The following SLC25A21 variants were observed in gnomAD, a reference collection of about 807,000 sequenced individuals.
The protein encoded by SLC25A21 is mitochondrial 2-oxodicarboxylate carrier.
In SLC25A21, 47 loss-of-function variants were observed where a neutral mutation model predicts 43.8. The observed-to-expected ratio is 1.07, with a 90% CI of 0.85 to 1.37. SLC25A21 has a LOEUF of 1.37. Ranked by LOEUF, SLC25A21 falls within the 40% of genes most tolerant of loss-of-function variation. SLC25A21 has a pLI of 0.00. For synonymous variants in SLC25A21, 131 were observed against 121.3 expected, an observed-to-expected ratio of 1.08 and a Z score of -0.52; for missense variants, 352 against 350.2, an observed-to-expected ratio of 1.00 and a Z score of -0.04.
chr14:36,803,746 A>G (rs952559460), intron 3 of SLC25A21, among the ~76,000 whole-genome samples: 3 of 152,190 alleles, frequency 2.0e-5, no homozygotes, highest in Non-Finnish European at 4.4e-5. Context: ...TTAGGTGACT[A>G]TATCTTTACA....
intron 1 of SLC25A21, among the ~76,000 whole-genome samples, chr14:37,032,747 G>A (rs1466489525): frequency 6.7e-6 from 1 of 150,112 alleles, no homozygotes; most frequent in Non-Finnish European, 1.5e-5. Flanking sequence ...AATTATAATT[G>A]TCATAAAATT....
At chr14:37,086,021 C>T (rs988624007) in intron 1 of SLC25A21, among the ~76,000 whole-genome samples, 5 of 152,152 alleles carry the variant, frequency 3.3e-5, no homozygotes, top group East Asian at 1.9e-4. Context: ...AGGAGAATGG[C>T]GCGAACCCAG....
At chr14:37,082,335 G>T (rs1320798826) in intron 1 of SLC25A21, among the ~76,000 whole-genome samples, 1 of 152,132 alleles carries the variant, frequency 6.6e-6, no homozygotes, top group African/African-American at 2.4e-5. Context: ...TCAGTATCAT[G>T]CAATATTCCC....
chr14:36,958,078 T>A (rs1478805600), intron 1 of SLC25A21, among the ~76,000 whole-genome samples: 1 of 151,164 alleles, frequency 6.6e-6, no homozygotes. Flanking sequence ...ATTTTTTTTT[T>A]AGCTCAACCA....
intron 1 of SLC25A21, among the ~76,000 whole-genome samples, chr14:37,051,599 A>G (rs1961707773): frequency 6.6e-6 from 1 of 152,166 alleles, no homozygotes; most frequent in Non-Finnish European, 1.5e-5. Flanking sequence ...GACTATTTAC[A>G]AATATGGTGC....
chr14:36,766,020 G>A (rs1886399778), intron 3 of SLC25A21, among the ~76,000 whole-genome samples: 1 of 137,132 alleles, frequency 7.3e-6, no homozygotes, highest in Admixed American at 7.9e-5. Flanking sequence ...GAGTTGCCAA[G>A]TCATTCCCTT....
At chr14:36,824,324 G>A (rs1888742496) in intron 2 of SLC25A21, among the ~76,000 whole-genome samples, 1 of 152,014 alleles carries the variant, frequency 6.6e-6, no homozygotes. Context: ...TCATAGTTGA[G>A]GAAAATTTCA....
At chr14:37,053,525 T>C (rs2138801378) in intron 1 of SLC25A21, among the ~76,000 whole-genome samples, 1 of 152,340 alleles carries the variant, frequency 6.6e-6, no homozygotes, top group East Asian at 1.9e-4. Context: ...AACAATTTTT[T>C]AATGGAGAAA....
chr14:36,777,962 T>C (rs1886897771), intron 3 of SLC25A21, among the ~76,000 whole-genome samples: 1 of 152,176 alleles, frequency 6.6e-6, no homozygotes, highest in Non-Finnish European at 1.5e-5. Context: ...TCAAAGTCAT[T>C]ATCTTTCAAC....
At chr14:36,897,358 T>G (rs915477190) in intron 1 of SLC25A21, among the ~76,000 whole-genome samples, 2 of 151,452 alleles carry the variant, frequency 1.3e-5, no homozygotes, top group African/African-American at 2.4e-5. Context: ...GCATTCGTCA[T>G]GTTCTTGTGC....
intron 1 of SLC25A21, among the ~76,000 whole-genome samples, chr14:36,896,486 CTT>C (rs1324781851): frequency 1.3e-5 from 2 of 152,154 alleles, no homozygotes; most frequent in South Asian, 2.1e-4. Context: ...GGTCTTGACT[CTT>C]TATCCAATTT....
intron 5 of SLC25A21, among the ~76,000 whole-genome samples, chr14:36,729,021 C>T (rs146032643): frequency 2.0e-5 from 3 of 152,306 alleles, no homozygotes; most frequent in African/African-American, 7.2e-5. Flanking sequence ...TCACAATTCT[C>T]CTTAGCTGAG....
At chr14:37,018,573 G>A (rs1960913758) in intron 1 of SLC25A21, among the ~76,000 whole-genome samples, 2 of 151,976 alleles carry the variant, frequency 1.3e-5, no homozygotes, top group African/African-American at 4.8e-5. Flanking sequence ...TGTTGCAAAT[G>A]TGTCTACTCT....
chr14:37,067,940 T>C (rs1405008441), intron 1 of SLC25A21, among the ~76,000 whole-genome samples: 2 of 152,264 alleles, frequency 1.3e-5, no homozygotes, highest in Non-Finnish European at 2.9e-5. Context: ...ATTACAAAAT[T>C]AGGAGTCAGC....
chr14:36,861,131 T>C (rs1239524967), intron 2 of SLC25A21, among the ~76,000 whole-genome samples: 1 of 152,180 alleles, frequency 6.6e-6, no homozygotes, highest in African/African-American at 2.4e-5. Context: ...CATAAGGCTA[T>C]TTTAGCCACC....
Position 37,108,024 on chromosome 14 carries a change from C to A in SLC25A21, c.70+64257G>T, listed in dbSNP as rs371133508. On this transcript the variant is annotated intron_variant, in intron 1 of 9. Coordinates refer to ENST00000331299, the MANE Select transcript of SLC25A21 (RefSeq NM_030631.4). ...TTGTATAGTCCATCTGTTCAAAGTG[C>A]CCTATTCTACTACCATGGGCAAGGC... Among the ~76,000 whole-genome samples the A allele has an allele frequency of 5.9e-5, 9 of 152,262 alleles. No homozygotes were observed. In the South Asian group the frequency reaches 1.9e-3, roughly 32 times the overall value.
chr14:36,884,255 G>C (rs1448813769), intron 1 of SLC25A21, among the ~76,000 whole-genome samples: 1 of 152,080 alleles, frequency 6.6e-6, no homozygotes, highest in Non-Finnish European at 1.5e-5. Flanking sequence ...TTCATGTCTT[G>C]CTTATTTCAC....
At chr14:37,034,594 G>A (rs1961287709) in intron 1 of SLC25A21, among the ~76,000 whole-genome samples, 1 of 152,158 alleles carries the variant, frequency 6.6e-6, no homozygotes, top group Non-Finnish European at 1.5e-5. Flanking sequence ...CAGTGGGCCT[G>A]GTACATGTGG....
At chr14:36,718,653 G>A (rs1217554060) in intron 6 of SLC25A21, among the ~76,000 whole-genome samples, 1 of 152,120 alleles carries the variant, frequency 6.6e-6, no homozygotes, top group Non-Finnish European at 1.5e-5. Flanking sequence ...TATCATACAC[G>A]ATCTAATTGG....
Sources: allele counts gnomAD v4.1 joint callset (sites outside exome capture counted in the v4.1 genomes callset), GRCh38; gene constraint gnomAD v4.1.1; transcripts MANE v1.5; gene names NCBI Gene and HGNC (gene_info 2026-07-23, HGNC 2026-07-21).